Variants in ABCC10 observed in about 807,000 individuals in gnomAD.
ABCC10 encodes ATP-binding cassette sub-family C member 10.
A neutral mutation model predicts 143.2 loss-of-function variants in ABCC10; 110 were observed. The ratio of observed to expected loss-of-function variants is 0.77; its 90% CI spans 0.66 to 0.90. The LOEUF (loss-of-function observed/expected upper bound fraction) is 0.90, where lower values mean the gene tolerates loss of function less well. Ranked by LOEUF, ABCC10 falls within the 40% of genes least tolerant of loss-of-function variation. The pLI is 0.00. For synonymous variants in ABCC10, 805 were observed against 846.7 expected (o/e 0.95, Z 0.85); for missense variants, 1,700 against 1,900.5 (o/e 0.89, Z 1.96).
chr6:43,444,987 C>T (rs748978850), intron 13 of ABCC10, 49 bp downstream of exon 13: 4 of 1,585,670 alleles, frequency 2.5e-6, no homozygotes, highest in Non-Finnish European at 2.6e-6. Flanking sequence ...GAGTGGTCGC[C>T]AGGCAGGGAG....
Position 43,444,857 on chromosome 6 carries a change from A to G in ABCC10, c.2759A>G (p.Gln920Arg), listed in dbSNP as rs1186522803. ...CAGCTGAAGGCTGAGAATAGCTCCC[A>G]GGAGGCGCAACCCTCCACCAGCCCA... is the stretch of plus-strand genomic sequence containing the variant. Reference protein sequence around the residue: ...ISQLKAENSSQEAQPSTSPAS... With the variant: ...ISQLKAENSSREAQPSTSPAS... Residue 920 changes from glutamine (Q) to arginine (R), a missense_variant, in exon 13 of 22, where the codon CAG becomes CGG. Gln to Arg is a conservative substitution (Grantham distance 43). Coordinates refer to ENST00000372530, the MANE Select transcript of ABCC10 (RefSeq NM_001198934.2). 1.2e-6 allele frequency: 2 copies of G among 1,614,034 alleles called. No homozygotes were observed. Among genetic ancestry groups the G allele is most frequent in the Admixed American group, 3.3e-5 (2 of 60,012 alleles).
chr6:43,450,534 C>T (rs1581807173), downstream of ABCC10: 12 of 1,539,274 alleles, frequency 7.8e-6, no homozygotes, highest in Non-Finnish European at 1.1e-5. The surrounding 1 kb of genome is among the most constrained non-coding windows in gnomAD (Gnocchi z 4.5). Flanking sequence ...AAGCCCCCAC[C>T]TCCATCACAG....
rs144937392 is a variant in ABCC10, at chr6:43,445,850, C to T, written c.3282C>T (p.Arg1094=). ...HYRASSRELR[R]LGSLTLSPLY... ...GGGCCTCCTCACGGGAGCTGCGGCG[C>T]CTGGGCAGCCTCACCCTGTCTCCAC... Residue 1094 remains arginine, a synonymous_variant, in exon 15 of 22, where the codon CGC becomes CGT. Transcript: ENST00000372530. 1.4e-3 allele frequency: 2,232 copies of T among 1,614,124 alleles called. 7 individuals carry two copies. Among genetic ancestry groups the T allele is most frequent in the Non-Finnish European group, 1.7e-3 (2,006 of 1,180,036 alleles).
At position 43,446,465 on chromosome 6, in the gene ABCC10, C is replaced by T. The variant is rs1339970326; in HGVS notation, c.3544+19C>T. 3 of 1,603,672 alleles carry T rather than the reference C, an allele frequency of 1.9e-6. No homozygotes were observed. Among genetic ancestry groups the T allele is most frequent in the Non-Finnish European group, 2.6e-6 (3 of 1,175,332 alleles). The stretch of plus-strand genomic sequence containing the variant: ...AACCCAGGTGCCACCCAGGACCCCT[C>T]ACCCCTACCTCATCCACAAGTTAGT... On this transcript the variant is annotated intron_variant, in intron 16 of 21. Transcript: ENST00000372530.
In ABCC10 at chr6:43,450,265, A is replaced by C; in HGVS notation, c.*174A>C. On this transcript the variant is annotated 3_prime_UTR_variant, in exon 22 of 22. Transcript: ENST00000372530. The surrounding 1 kb of genome is among the most constrained non-coding windows in gnomAD (Gnocchi z 4.5). ...TGGAAATCACTCCTTGGTGGGCAGCATCCTGAGGCTTCCCCAGAACCAGGC... is the reference window on the plus strand; with the variant it reads ...TGGAAATCACTCCTTGGTGGGCAGCCTCCTGAGGCTTCCCCAGAACCAGGC... The C allele has an allele frequency of 1.1e-6, 1 of 915,942 alleles. No individual in the cohort carries two copies. The highest frequency in any genetic ancestry group is 1.6e-6 in the Non-Finnish European group (1 of 631,010). 56.7% of individuals were successfully genotyped at this position (915,942 alleles called of 1,614,324 possible). A position where few individuals can be genotyped will look rare whatever the true frequency, so the allele number is the denominator to read the frequency against.
chr6:43,432,918 TG>T lies in ABCC10; in HGVS notation c.940del (p.Glu314LysfsTer7). The T allele has an allele frequency of 6.2e-7, 1 of 1,614,154 alleles. No individual in the cohort carries two copies. The highest frequency in any genetic ancestry group is 1.1e-5 in the South Asian group (1 of 91,080). ...TTGCTCTCCCTACTGGTGGGCTTCCTGGAAGAGGGGCAGGAGCCACTAAGCC... is the reference window on the plus strand; with the variant it reads ...TTGCTCTCCCTACTGGTGGGCTTCCTGAAGAGGGGCAGGAGCCACTAAGCC... ...PLLLSLLVGF[L>X]EEGQEPLSHG... On this transcript the variant is annotated frameshift_variant, in exon 3 of 22. Coordinates refer to ENST00000372530, the MANE Select transcript of ABCC10 (RefSeq NM_001198934.2). LOFTEE classifies it high-confidence loss of function.
chr6:43,429,679 G>A (rs939805804), intron 2 of ABCC10, among the ~76,000 whole-genome samples: 1 of 152,134 alleles, frequency 6.6e-6, no homozygotes, highest in African/African-American at 2.4e-5. Context: ...CCAGGAGTTC[G>A]AGACCAGCCT....
At chr6:43,439,419 T>C (rs1486531514) in intron 8 of ABCC10, among the ~76,000 whole-genome samples, 2 of 151,096 alleles carry the variant, frequency 1.3e-5, no homozygotes, top group Non-Finnish European at 3.0e-5. Flanking sequence ...TTTTTTTTTT[T>C]GAGACAGGGT....
chr6:43,440,296 T>C (rs1782254210), intron 8 of ABCC10, among the ~76,000 whole-genome samples: 1 of 152,120 alleles, frequency 6.6e-6, no homozygotes, highest in South Asian at 2.1e-4. Flanking sequence ...GTACTACCTC[T>C]AAGGCTTCTT....
Position 43,438,735 on chromosome 6 carries a change from ATT to A in ABCC10, c.2069_2070del (p.Phe690Ter), listed in dbSNP as rs770851481. 10 of 1,614,228 alleles carry A rather than the reference ATT, an allele frequency of 6.2e-6. No individual in the cohort carries two copies. The highest frequency in any genetic ancestry group is 8.5e-6 in the Non-Finnish European group (10 of 1,180,038). ...GAGACAACATCCTCTTTGGGAAGACATTTGATGCACAGCTGTACAAGGAGGTG... is the reference window on the plus strand; with the variant it reads ...GAGACAACATCCTCTTTGGGAAGACATGATGCACAGCTGTACAAGGAGGTG... ...IRDNILFGKT[F>X]DAQLYKEVLE... is the part of the protein sequence containing the mutation. On this transcript the variant is annotated frameshift_variant, in exon 8 of 22. Transcript: ENST00000372530. LOFTEE classifies it high-confidence loss of function.
rs1191538645 is a variant in ABCC10 at position 43,449,513 on chromosome 6, C to T, written c.4295C>T (p.Thr1432Ile). 22 of 1,613,820 alleles carry T rather than the reference C, an allele frequency of 1.4e-5. No individual in the cohort carries two copies. Among genetic ancestry groups the T allele is most frequent in the Non-Finnish European group, 1.6e-5 (19 of 1,179,890 alleles). ...ATCTGCAAACGCTTTGCCAACAAGA[C>T]AGTGCTGACCATTGCCCATAGGTAT... is the stretch of plus-strand genomic sequence containing the variant. ...QTICKRFANK[T>I]VLTIAHRLNT... Residue 1432 changes from threonine (T) to isoleucine (I), a missense_variant, in exon 21 of 22, where the codon ACA becomes ATA. Coordinates refer to ENST00000372530, the MANE Select transcript of ABCC10 (RefSeq NM_001198934.2).
Position 43,446,441 on chromosome 6 carries a change from A to T in ABCC10, c.3539A>T (p.Asn1180Ile). The change falls in exon 16 of 22, where the codon AAC (asparagine) becomes ATC (isoleucine). Residue 1180 changes from asparagine to isoleucine, a missense_variant. Physicochemically the swap from Asn to Ile is moderately radical, Grantham distance 149. Coordinates refer to ENST00000372530, the MANE Select transcript of ABCC10 (RefSeq NM_001198934.2). ...GTGCAGCACCAGCAGGGCCTCGCTAACCCAGGTGCCACCCAGGACCCCTCA... is the reference window on the plus strand; with the variant it reads ...GTGCAGCACCAGCAGGGCCTCGCTATCCCAGGTGCCACCCAGGACCCCTCA... ...ALVQHQQGLA[N>I]PGLVGLSLSY... is the part of the protein sequence containing the mutation. 1 of 1,610,432 alleles carries T rather than the reference A, an allele frequency of 6.2e-7. No individual in the cohort carries two copies. Among genetic ancestry groups the T allele is most frequent in the Non-Finnish European group, 8.5e-7 (1 of 1,179,216 alleles).
chr6:43,448,911 CTT>C lies in ABCC10; in HGVS notation c.3994_3995del (p.Leu1332ValfsTer16). The C allele has an allele frequency of 1.2e-6, 2 of 1,614,096 alleles. No individual in the cohort carries two copies. The highest frequency in any genetic ancestry group is 1.7e-6 in the Non-Finnish European group (2 of 1,179,978). On this transcript the variant is annotated frameshift_variant, in exon 19 of 22. Transcript: ENST00000372530. LOFTEE classifies it high-confidence loss of function. Reference protein sequence around the residue: ...SQLAIIPQEPFLFSGTVRENL... With the variant: ...SQLAIIPQEPXLFSGTVRENL... ...AGTTGGCTATCATCCCCCAGGAGCC[CTT>C]TTTGTTCAGTGGGACTGTTCGGGAA...
chr6:43,442,038 G>T, intron 9 of ABCC10, 78 bp downstream of exon 9: 1 of 1,280,674 alleles, frequency 7.8e-7, no homozygotes, highest in Non-Finnish European at 1.1e-6. Context: ...GAGTTAGGAG[G>T]ATAGGAATAT....
chr6:43,427,812 T>C (rs1193618603), intron 1 of ABCC10, 55 bp downstream of exon 1: 3 of 790,570 alleles, frequency 3.8e-6, no homozygotes, highest in Non-Finnish European at 4.3e-6. Flanking sequence ...GTTTTTACCC[T>C]TGGTACCGCG....
chr6:43,430,616 T>A (rs1291918099), intron 2 of ABCC10: 1 of 152,128 alleles, frequency 6.6e-6, no homozygotes, highest in Non-Finnish European at 1.5e-5. Flanking sequence ...TAAACTTTTT[T>A]AGTAACCTAG....
At chr6:43,442,695 C>T (rs1445991810) in intron 9 of ABCC10, among the ~76,000 whole-genome samples, 1 of 151,552 alleles carries the variant, frequency 6.6e-6, no homozygotes, top group Non-Finnish European at 1.5e-5. Flanking sequence ...CATGCCACTG[C>T]ACTCCAGCCT....
rs370981120 is a variant in ABCC10, at chr6:43,434,729, C to T, written c.1489C>T (p.Arg497Trp). 41 of 1,614,054 alleles carry T rather than the reference C, an allele frequency of 2.5e-5. No homozygotes were observed. Among genetic ancestry groups the T allele is most frequent in the African/African-American group, 2.5e-4 (19 of 74,912 alleles). ...ACRARELGRL[R>W]VIKYLDAACV... ...CCGGGCTCGAGAGCTGGGGCGACTC[C>T]GGGTCATCAAATACCTGGATGCGGC... Residue 497 changes from arginine to tryptophan, a missense_variant, in exon 4 of 22, where the codon CGG (arginine) becomes TGG (tryptophan). Physicochemically the swap from Arg to Trp is moderately radical, Grantham distance 101. Coordinates refer to ENST00000372530, the MANE Select transcript of ABCC10 (RefSeq NM_001198934.2).
chr6:43,451,522 CTAT>C (rs542737138), downstream of ABCC10, among the ~76,000 whole-genome samples: 248 of 152,284 alleles, frequency 1.6e-3, no homozygotes, highest in African/African-American at 5.4e-3. This position sits in a 1 kb window ranked among gnomAD's most constrained non-coding sequence, Gnocchi z 4.4. Context: ...GGTAAGTGTG[CTAT>C]TATTATCCTC....
Sources: gnomAD v4.1 joint callset for allele counts (sites outside exome capture counted in the v4.1 genomes callset) on GRCh38, gnomAD v4.1.1 for gene constraint, Gnocchi (gnomAD v3.1) non-coding constraint, MANE v1.5 for transcripts, NCBI Gene and HGNC (gene_info 2026-07-23, HGNC 2026-07-21) for gene names.